Variants in TMEM131 observed in about 807,000 individuals in gnomAD.
The protein encoded by TMEM131 is 2610524E03Rik.
A neutral mutation model predicts 211.6 loss-of-function variants in TMEM131; 66 were observed. The observed-to-expected ratio is 0.31, with a 90% CI of 0.26 to 0.38. The LOEUF (loss-of-function observed/expected upper bound fraction) is 0.38. Among genes scored for constraint, TMEM131 ranks in the 10% least tolerant of loss-of-function variants. TMEM131 has a pLI of 1.00. For synonymous variants in TMEM131, 844 were observed against 841.3 expected, an observed-to-expected ratio of 1.00 and a Z score of -0.06; for missense variants, 2,036 against 2,299.3, an observed-to-expected ratio of 0.89 and a Z score of 2.34.
chr2:97,951,443 C>G (rs1167681840), intron 1 of TMEM131, among the ~76,000 whole-genome samples: 1 of 152,078 alleles, frequency 6.6e-6, no homozygotes, highest in African/African-American at 2.4e-5. Context: ...AAGAGCATTT[C>G]CCGTGGCTTG....
chr2:97,791,684 T>C (rs556444066), intron 31 of TMEM131, among the ~76,000 whole-genome samples: 2 of 152,374 alleles, frequency 1.3e-5, no homozygotes, highest in South Asian at 2.1e-4. Flanking sequence ...GCTGTACTCA[T>C]GTCCCTGACC....
In TMEM131 at chr2:97,886,400, T is replaced by C. The variant is rs1447581382; in HGVS notation, c.359+1652A>G. ...AGAAAAGTCATTTCTTCCAATTTTA[T>C]GGAGTACATTTCACAGGGAAAGACT... is the stretch of plus-strand genomic sequence containing the variant. On this transcript the variant is annotated intron_variant, in intron 4 of 40. Coordinates refer to ENST00000186436, the MANE Select transcript of TMEM131 (RefSeq NM_015348.2). Among the ~76,000 whole-genome samples the C allele has an allele frequency of 2.0e-5, 3 of 152,300 alleles. No individual in the cohort carries two copies. The East Asian group carries it at 5.8e-4, about 29-fold the overall frequency.
chr2:97,837,275 T>C, intron 7 of TMEM131, 118 bp from the exon 8 acceptor site: 1 of 684,590 alleles, frequency 1.5e-6, no homozygotes, highest in South Asian at 2.1e-5. Context: ...CATTTAAAGA[T>C]ATAAACGTAG....
chr2:97,789,509 G>A (rs1319600837), intron 31 of TMEM131, among the ~76,000 whole-genome samples: 1 of 152,190 alleles, frequency 6.6e-6, no homozygotes, highest in Non-Finnish European at 1.5e-5. Context: ...AGGCTCAGGG[G>A]AGTCATTTTC....
intron 1 of TMEM131, among the ~76,000 whole-genome samples, chr2:97,975,979 G>T (rs1273408846): frequency 1.3e-5 from 2 of 152,100 alleles, no homozygotes; most frequent in Non-Finnish European, 2.9e-5. Context: ...AAAAATCCAT[G>T]ATACAGACAA....
At chr2:97,833,109 A>G (rs542227886) in intron 11 of TMEM131, among the ~76,000 whole-genome samples, 1 of 152,280 alleles carries the variant, frequency 6.6e-6, no homozygotes, top group Admixed American at 6.5e-5. Flanking sequence ...GGCCTTTTAT[A>G]TGACTGTGCC....
chr2:97,925,937 C>T (rs1279606899), intron 2 of TMEM131, among the ~76,000 whole-genome samples: 15 of 151,612 alleles, frequency 9.9e-5, no homozygotes, highest in Admixed American at 7.9e-4. Flanking sequence ...GGTGAAACCC[C>T]GTCTGTACTA....
intron 4 of TMEM131, among the ~76,000 whole-genome samples, chr2:97,879,671 G>A (rs1674842733): frequency 6.6e-6 from 1 of 152,174 alleles, no homozygotes; most frequent in Non-Finnish European, 1.5e-5. Context: ...ATGTGAAGAT[G>A]AGGTGAAGAC....
In TMEM131 at chr2:97,759,054, C is replaced by A. The variant is rs1157976877; in HGVS notation, c.5207-1G>T. 2 of 1,613,926 alleles carry A rather than the reference C, an allele frequency of 1.2e-6. No homozygotes were observed. Among genetic ancestry groups the A allele is most frequent in the Non-Finnish European group, 1.7e-6 (2 of 1,179,898 alleles). ...GATAATCCGAGTTTGCTGAAAACTT[C>A]TGGAAATAAAGCAACAGTCATCAAG... On this transcript the variant is annotated splice_acceptor_variant, in intron 39 of 40. Transcript: ENST00000186436. LOFTEE classifies it high-confidence loss of function.
At chr2:97,914,552 A>G (rs1479810754) in intron 2 of TMEM131, among the ~76,000 whole-genome samples, 1 of 152,154 alleles carries the variant, frequency 6.6e-6, no homozygotes, top group Non-Finnish European at 1.5e-5. Context: ...CTTCCCCCCA[A>G]GCCCTGGCAA....
intron 5 of TMEM131, among the ~76,000 whole-genome samples, chr2:97,853,521 G>T (rs1448038478): frequency 6.6e-6 from 1 of 150,954 alleles, no homozygotes; most frequent in Non-Finnish European, 1.5e-5. Context: ...CAGGAGAATT[G>T]CTTGAACCTG....
chr2:97,988,153 T>C (rs1226326288), intron 1 of TMEM131, among the ~76,000 whole-genome samples: 1 of 152,150 alleles, frequency 6.6e-6, no homozygotes, highest in African/African-American at 2.4e-5. Flanking sequence ...AAATAAACCC[T>C]TGCATATATA....
chr2:97,797,350 T>A lies in TMEM131; in HGVS notation c.2870+15A>T. On this transcript the variant is annotated intron_variant, in intron 26 of 40. Transcript: ENST00000186436. ...AGTAGTAAAAATGAACCCACACCTA[T>A]ATCACAGAACCTACCTGACTATGAT... 6.3e-7 allele frequency: 1 copy of A among 1,577,290 alleles called. No homozygotes were observed. Among genetic ancestry groups the A allele is most frequent in the Admixed American group, 1.9e-5 (1 of 52,788 alleles).
intron 1 of TMEM131, among the ~76,000 whole-genome samples, chr2:97,981,028 CAAAAAAAAAAAAAAAAAAAAAAAA>C (rs57606185): frequency 3.7e-4 from 14 of 37,974 alleles, no homozygotes; most frequent in Admixed American, 8.8e-4. Flanking sequence ...AACTACACAC[CAAAAAAAAAAAAAAAAAAAAAAAA>C]AAAAAAAAAA....
intron 1 of TMEM131, among the ~76,000 whole-genome samples, chr2:97,952,280 G>GA (rs1017665888): frequency 1.1e-4 from 16 of 152,148 alleles, no homozygotes; most frequent in South Asian, 2.1e-4. Flanking sequence ...TAGGAGAGGA[G>GA]AAAAAATGTG....
At chr2:97,872,292 C>G (rs1674520289) in intron 4 of TMEM131, among the ~76,000 whole-genome samples, 1 of 152,120 alleles carries the variant, frequency 6.6e-6, no homozygotes, top group African/African-American at 2.4e-5. Flanking sequence ...TAGAAAGACT[C>G]TAACTCCATT....
intron 5 of TMEM131, among the ~76,000 whole-genome samples, chr2:97,849,756 T>G (rs1673525555): frequency 7.5e-6 from 1 of 133,158 alleles, no homozygotes; most frequent in Non-Finnish European, 1.6e-5. Context: ...TTTGGGTGAA[T>G]CCACGAGGGT....
rs145264727 is a variant in TMEM131 at position 97,915,320 on chromosome 2, TTTTG to T, written c.250-6626_250-6623del. Among the ~76,000 whole-genome samples, 786 of 152,066 alleles carry T rather than the reference TTTTG, an allele frequency of 5.2e-3. 6 individuals are homozygous for T. Among genetic ancestry groups the T allele is most frequent in the African/African-American group, 0.018 (735 of 41,470 alleles). ...TCACATGGTCTTTTGCAGAGAAAGGTTTTGTTTGTTTGTTTTTGTGAGACCAGTC... is the reference window on the plus strand; with the variant it reads ...TCACATGGTCTTTTGCAGAGAAAGGTTTTGTTTGTTTTTGTGAGACCAGTC... On this transcript the variant is annotated intron_variant, in intron 2 of 40. Coordinates refer to ENST00000186436, the MANE Select transcript of TMEM131 (RefSeq NM_015348.2).
chr2:97,780,416 C>T (rs1679941861), intron 31 of TMEM131, among the ~76,000 whole-genome samples: 2 of 152,176 alleles, frequency 1.3e-5, no homozygotes, highest in Admixed American at 6.5e-5. Flanking sequence ...CCTTGTCTCC[C>T]TGATGAGCAT....
Sources: gnomAD v4.1 joint callset for allele counts (sites outside exome capture counted in the v4.1 genomes callset) on GRCh38, gnomAD v4.1.1 for gene constraint, MANE v1.5 for transcripts, NCBI Gene and HGNC (gene_info 2026-07-23, HGNC 2026-07-21) for gene names.